The following MICAL3 variants were observed in gnomAD, a reference collection of about 807,000 sequenced individuals.
MICAL3 encodes [F-actin]-monooxygenase MICAL3.
Under a neutral mutation model 207.4 loss-of-function variants are expected in MICAL3, and 62 were observed. That is an observed-to-expected ratio of 0.30 (90% CI 0.24 to 0.37). The LOEUF (loss-of-function observed/expected upper bound fraction) is 0.37. Ranked by LOEUF, MICAL3 falls within the 10% of genes least tolerant of loss-of-function variation. MICAL3 has a pLI of 1.00. For synonymous variants in MICAL3, 1,077 were observed against 1,069.3 expected (o/e 1.01, Z -0.14); for missense variants, 2,368 against 2,635.6 (o/e 0.90, Z 2.22).
chr22:17,944,058 CCCG>C (rs1933936660), intron 1 of MICAL3, among the ~76,000 whole-genome samples: 1 of 152,168 alleles, frequency 6.6e-6, no homozygotes, highest in Non-Finnish European at 1.5e-5. Context: ...CCCAGTGCTC[CCCG>C]CCAAGGACAG....
At chr22:17,824,568 A>T (rs1182226075) in intron 22 of MICAL3, among the ~76,000 whole-genome samples, 24 of 152,182 alleles carry the variant, frequency 1.6e-4, no homozygotes, top group Non-Finnish European at 3.4e-4. Context: ...GACGGTTCAA[A>T]TCTAGTGTTT....
chr22:17,959,975 T>A lies in MICAL3; in HGVS notation c.-74-53089A>T, dbSNP rs576454195. ...CAAGACTCAATGGCATCCCAATGCC[T>A]AGGAGTGCACTCTGTAAGCAAAGAG... is the stretch of plus-strand genomic sequence containing the variant. On this transcript the variant is annotated intron_variant, in intron 1 of 31. Coordinates refer to ENST00000441493, the MANE Select transcript of MICAL3 (RefSeq NM_015241.3). Among the ~76,000 whole-genome samples, 68 of 152,178 alleles carry A rather than the reference T, an allele frequency of 4.5e-4. 1 individual carries two copies. Among genetic ancestry groups the A allele is most frequent in the Non-Finnish European group, 8.8e-4 (60 of 68,034 alleles).
Position 17,841,532 on chromosome 22 carries a change from C to T in MICAL3, c.2801+290G>A. On this transcript the variant is annotated intron_variant, in intron 20 of 31. Transcript: ENST00000441493. This position sits in a 1 kb window ranked among gnomAD's most constrained non-coding sequence, Gnocchi z 4.2. ...TTCCCTCTGCTGAATCTGTGAATAA[C>T]CCGGGGGCAGAGCCTGCCACTTTCC... 1 of 559,106 alleles carries T rather than the reference C, an allele frequency of 1.8e-6. No homozygotes were observed. The highest frequency in any genetic ancestry group is 4.7e-4 in the Middle Eastern group (1 of 2,112). The allele number at this position is 559,106 out of a possible 1,614,324, so 34.6% of individuals were successfully genotyped here.
At chr22:17,840,192 A>C (rs1335847522) in intron 20 of MICAL3, 2 of 152,088 alleles carry the variant, frequency 1.3e-5, no homozygotes, top group Admixed American at 1.3e-4. Context: ...CCCAGGTTCA[A>C]GCAATTCTCA....
chr22:17,931,352 C>T (rs1359355097), intron 1 of MICAL3, among the ~76,000 whole-genome samples: 2 of 152,206 alleles, frequency 1.3e-5, no homozygotes, highest in East Asian at 1.9e-4. Flanking sequence ...TCTGAGAAAA[C>T]AGTGATCTGA....
At chr22:17,920,424 C>T (rs913294786) in intron 1 of MICAL3, among the ~76,000 whole-genome samples, 2 of 152,162 alleles carry the variant, frequency 1.3e-5, no homozygotes, top group Admixed American at 1.3e-4. Context: ...CCTCTGTCTC[C>T]AACACTCCAC....
chr22:17,798,389 T>C (rs764724688), intron 29 of MICAL3, among the ~76,000 whole-genome samples: 5 of 152,148 alleles, frequency 3.3e-5, no homozygotes, highest in Non-Finnish European at 5.9e-5. Flanking sequence ...CCTGCGTAGA[T>C]AGAGATCATT....
chr22:17,861,788 C>T, intron 19 of MICAL3: 10 of 985,114 alleles, frequency 1.0e-5, no homozygotes, highest in Non-Finnish European at 1.2e-5. Flanking sequence ...AAGCACATTA[C>T]AAACAGAAAT....
At position 17,931,157 on chromosome 22, in the gene MICAL3, A is replaced by C. The variant is rs556662604; in HGVS notation, c.-74-24271T>G. The stretch of plus-strand genomic sequence containing the variant: ...GGTCCCCCAACTTGTGGAGAGTCTA[A>C]TTCTTGCAATAAGTCCCTTATCCCT... On this transcript the variant is annotated intron_variant, in intron 1 of 31. Transcript: ENST00000441493. 3.3e-5 allele frequency among the ~76,000 whole-genome samples: 5 copies of C among 152,266 alleles called. No individual in the cohort carries two copies. In the South Asian group the frequency reaches 6.2e-4, roughly 19 times the overall value.
Position 17,902,073 on chromosome 22 carries a change from A to C in MICAL3, c.590-94T>G. On this transcript the variant is annotated intron_variant, in intron 4 of 31. Transcript: ENST00000441493. The surrounding 1 kb of genome is among the most constrained non-coding windows in gnomAD (Gnocchi z 4.5). ...ATACCCAGTCATGTGAACTGCACAA[A>C]ACCCTGGGCCAAAAACACTATGTGT... 1.2e-6 allele frequency: 1 copy of C among 847,830 alleles called. No individual in the cohort carries two copies. Among genetic ancestry groups the C allele is most frequent in the Non-Finnish European group, 1.9e-6 (1 of 536,344 alleles). 52.5% of individuals were successfully genotyped at this position (847,830 alleles called of 1,614,324 possible).
chr22:17,814,702 T>C (rs779551770), intron 27 of MICAL3: 26 of 152,246 alleles, frequency 1.7e-4, no homozygotes, highest in African/African-American at 5.5e-4. Flanking sequence ...GTCTCCTAGG[T>C]TGGCCTTCCC....
chr22:17,916,136 C>A (rs570481024), intron 1 of MICAL3, among the ~76,000 whole-genome samples: 4 of 151,994 alleles, frequency 2.6e-5, no homozygotes, highest in Non-Finnish European at 5.9e-5. Context: ...TTCTCTTCTG[C>A]CATGGTTCTC....
In MICAL3 at chr22:17,832,006, C is replaced by A. The variant is rs767183611; in HGVS notation, c.2903G>T (p.Arg968Leu). 5.0e-6 allele frequency: 8 copies of A among 1,605,782 alleles called. No homozygotes were observed. The highest frequency in any genetic ancestry group is 6.8e-6 in the Non-Finnish European group (8 of 1,176,478). ...TTTCCCTTTCAGAAGGGCATGGATC[C>A]GCACGGCCTCCTTCCACGGAACACC... ...LGGVPWKEAV[R>L]IHALLKGKSE... is the part of the protein sequence containing the mutation. The change falls in exon 21 of 32, where the codon CGG (arginine) becomes CTG (leucine). Residue 968 changes from arginine (R) to leucine (L), a missense_variant. Arg to Leu is a moderately radical substitution (Grantham distance 102). This residue lies in a region of MICAL3 where 1,770 missense variants were observed against 1,863.2 expected (regional missense o/e 0.95). Transcript: ENST00000441493.
chr22:17,901,278 T>C (rs936225955), intron 5 of MICAL3, among the ~76,000 whole-genome samples: 8 of 152,238 alleles, frequency 5.3e-5, no homozygotes, highest in Non-Finnish European at 8.8e-5. Flanking sequence ...AAGGGATGCG[T>C]GGGGGGAGCA....
In MICAL3 at chr22:17,885,907, G is replaced by C. The variant is rs748144983; in HGVS notation, c.2212C>G (p.Pro738Ala). Reference sequence around the variant, plus strand: ...CTCCGTATGCCGATGGACTGTGCGGGCGCATTCTCTTCAAATTTGGCCAGC... The same window carrying C: ...CTCCGTATGCCGATGGACTGTGCGGCCGCATTCTCTTCAAATTTGGCCAGC... ...QLLAKFEENA[P>A]AQSIGIRRQG... Residue 738 changes from proline to alanine, a missense_variant, in exon 16 of 32, where the codon CCC (proline) becomes GCC (alanine). Physicochemically the swap from Pro to Ala is conservative, Grantham distance 27. Coordinates refer to ENST00000441493, the MANE Select transcript of MICAL3 (RefSeq NM_015241.3). 13 of 1,613,856 alleles carry C rather than the reference G, an allele frequency of 8.1e-6. No homozygotes were observed. In the African/African-American group the frequency reaches 1.2e-4, roughly 15 times the overall value.
chr22:17,829,395 C>G (rs1366396217), intron 21 of MICAL3, among the ~76,000 whole-genome samples: 1 of 152,078 alleles, frequency 6.6e-6, no homozygotes, highest in Non-Finnish European at 1.5e-5. Context: ...TCTCAAACTC[C>G]CGATCTCAGG....
At chr22:17,903,982 T>C (rs912157205) in intron 3 of MICAL3, among the ~76,000 whole-genome samples, 3 of 152,344 alleles carry the variant, frequency 2.0e-5, no homozygotes, top group East Asian at 1.9e-4. Flanking sequence ...ACACCGCTGA[T>C]TGCATTAACT....
intron 1 of MICAL3, among the ~76,000 whole-genome samples, chr22:17,992,861 TG>T (rs1921847515): frequency 6.6e-6 from 1 of 152,174 alleles, no homozygotes; most frequent in South Asian, 2.1e-4. Flanking sequence ...TTTACCTCAC[TG>T]GAACAGCTTC....
intron 1 of MICAL3, among the ~76,000 whole-genome samples, chr22:17,934,512 G>A (rs1933422331): frequency 6.6e-6 from 1 of 152,148 alleles, no homozygotes; most frequent in African/African-American, 2.4e-5. Context: ...TACTGAATGG[G>A]CAAAAACTGG....
Sources: gnomAD v4.1 joint callset for allele counts (sites outside exome capture counted in the v4.1 genomes callset) on GRCh38, gnomAD v4.1.1 for gene constraint, gnomAD v4.1.1 regional missense constraint, Gnocchi (gnomAD v3.1) non-coding constraint, MANE v1.5 for transcripts, NCBI Gene and HGNC (gene_info 2026-07-23, HGNC 2026-07-21) for gene names.